The following GRM8 variants were observed in gnomAD, a reference collection of about 807,000 sequenced individuals.
GRM8 encodes the protein metabotropic glutamate receptor 8.
Under a neutral mutation model 87.2 loss-of-function variants are expected in GRM8, and 47 were observed. That is an observed-to-expected ratio of 0.54 (90% CI 0.43 to 0.69). The LOEUF is 0.69. Ranked by LOEUF, GRM8 falls within the 30% of genes least tolerant of loss-of-function variation. The probability of loss-of-function intolerance (pLI) is 0.00; values close to 1 mark genes in which losing one functional copy is unlikely to be tolerated. For synonymous variants in GRM8, 396 were observed against 404.5 expected (o/e 0.98, Z 0.25); for missense variants, 1,019 against 1,139.2 (o/e 0.89, Z 1.52).
At chr7:126,949,061 A>T (rs1807854836) in intron 3 of GRM8, among the ~76,000 whole-genome samples, 1 of 152,256 alleles carries the variant, frequency 6.6e-6, no homozygotes, top group Non-Finnish European at 1.5e-5. Flanking sequence ...TGGAGATAAC[A>T]CTAACACCTA....
At chr7:126,837,662 G>GA (rs948228821) in intron 6 of GRM8, among the ~76,000 whole-genome samples, 3 of 152,210 alleles carry the variant, frequency 2.0e-5, no homozygotes, top group Admixed American at 2.0e-4. Context: ...AGATGAACAT[G>GA]ACTGTGGTCT....
intron 3 of GRM8, among the ~76,000 whole-genome samples, chr7:127,063,185 A>T (rs893774385): frequency 6.6e-5 from 10 of 151,708 alleles, no homozygotes; most frequent in African/African-American, 1.9e-4. Flanking sequence ...CCCAGGAGGC[A>T]GAGCTTGCAG....
intron 7 of GRM8, among the ~76,000 whole-genome samples, chr7:126,714,318 AATAAT>A (rs1450775628): frequency 8.8e-4 from 121 of 138,170 alleles, no homozygotes; most frequent in African/African-American, 2.8e-3. Context: ...TAATAATAAT[AATAAT>A]AAATAGTATC....
At chr7:126,751,884 G>C (rs1287613349) in intron 7 of GRM8, among the ~76,000 whole-genome samples, 3 of 152,118 alleles carry the variant, frequency 2.0e-5, no homozygotes, top group Admixed American at 2.0e-4. Context: ...TAGAAGAAAA[G>C]CTAGGAGGCC....
At chr7:126,959,724 C>T (rs1586599656) in intron 3 of GRM8, among the ~76,000 whole-genome samples, 1 of 152,032 alleles carries the variant, frequency 6.6e-6, no homozygotes, top group Admixed American at 6.5e-5. Context: ...CTTTGCATCC[C>T]CCATGATTCC....
At chr7:127,206,229 G>A (rs758334476) in intron 2 of GRM8, among the ~76,000 whole-genome samples, 4 of 152,210 alleles carry the variant, frequency 2.6e-5, no homozygotes, top group Non-Finnish European at 5.9e-5. Flanking sequence ...TGTGCTTTGC[G>A]ATTCCTTGCC....
chr7:127,138,580 G>A (rs1030008649), intron 2 of GRM8, among the ~76,000 whole-genome samples: 1 of 152,050 alleles, frequency 6.6e-6, no homozygotes, highest in African/African-American at 2.4e-5. Context: ...GAGGTTTAAT[G>A]GGATCACAAC....
At chr7:127,195,221 A>G (rs1795222169) in intron 2 of GRM8, among the ~76,000 whole-genome samples, 1 of 152,148 alleles carries the variant, frequency 6.6e-6, no homozygotes, top group African/African-American at 2.4e-5. Flanking sequence ...ATCCTCTATT[A>G]CTATTTTAAT....
chr7:126,444,080 GA>G (rs1276289288), intron 10 of GRM8, among the ~76,000 whole-genome samples: 67 of 143,348 alleles, frequency 4.7e-4, no homozygotes, highest in African/African-American at 1.4e-3. Flanking sequence ...TGCTAAAAAA[GA>G]AAAAAAAAAG....
chr7:126,890,540 C>T (rs1038309042), intron 6 of GRM8, among the ~76,000 whole-genome samples: 6 of 152,070 alleles, frequency 3.9e-5, no homozygotes, highest in Non-Finnish European at 8.8e-5. Context: ...AGGTCAGCTT[C>T]CCCCTTGTGG....
chr7:126,469,365 T>C (rs752536484), intron 9 of GRM8, among the ~76,000 whole-genome samples: 1 of 152,158 alleles, frequency 6.6e-6, no homozygotes, highest in Non-Finnish European at 1.5e-5. Context: ...CTCACTCTTT[T>C]ATGAAAACTG....
intron 3 of GRM8, among the ~76,000 whole-genome samples, chr7:126,951,338 G>A (rs1163661059): frequency 6.6e-6 from 1 of 152,020 alleles, no homozygotes; most frequent in East Asian, 1.9e-4. Context: ...ATCAAGACAG[G>A]ATGGAGTGAC....
intron 2 of GRM8, among the ~76,000 whole-genome samples, chr7:127,213,006 A>G (rs928932202): frequency 5.3e-5 from 8 of 152,192 alleles, no homozygotes; most frequent in Non-Finnish European, 1.2e-4. Flanking sequence ...ATTGTTCTGA[A>G]CTACTCAACA....
At chr7:127,151,058 C>T (rs1367268993) in intron 2 of GRM8, among the ~76,000 whole-genome samples, 2 of 151,994 alleles carry the variant, frequency 1.3e-5, no homozygotes, top group Non-Finnish European at 1.5e-5. Context: ...ACTTTCCTTC[C>T]TTGGGGAACA....
At chr7:126,649,701 G>T (rs1803578900) in intron 7 of GRM8, among the ~76,000 whole-genome samples, 1 of 152,146 alleles carries the variant, frequency 6.6e-6, no homozygotes, top group South Asian at 2.1e-4. Context: ...AGCGCCTAAT[G>T]GGCCTATTTG....
chr7:126,745,429 C>G (rs975160677), intron 7 of GRM8, among the ~76,000 whole-genome samples: 11 of 75,548 alleles, frequency 1.5e-4, no homozygotes, highest in African/African-American at 3.2e-4. Flanking sequence ...TGTTTCTCTT[C>G]TGTGTGTGTG....
At chr7:126,448,809 C>A (rs997655232) in intron 9 of GRM8, among the ~76,000 whole-genome samples, 6 of 151,922 alleles carry the variant, frequency 3.9e-5, no homozygotes, top group Admixed American at 6.6e-5. Context: ...ACTGCTTGTT[C>A]TCACTTATAA....
intron 6 of GRM8, among the ~76,000 whole-genome samples, chr7:126,788,814 GA>G (rs1024884785): frequency 8.5e-4 from 116 of 137,042 alleles, no homozygotes; most frequent in African/African-American, 2.1e-3. Context: ...CTCAGAGACA[GA>G]AAAAAAAAAA....
At chr7:126,918,175 G>A (rs1196788104) in intron 3 of GRM8, among the ~76,000 whole-genome samples, 4 of 152,234 alleles carry the variant, frequency 2.6e-5, no homozygotes, top group Non-Finnish European at 5.9e-5. Context: ...GTTCTTGCCA[G>A]CGGCCTTGGA....
Sources: allele counts gnomAD v4.1 joint callset (sites outside exome capture counted in the v4.1 genomes callset), GRCh38; gene constraint gnomAD v4.1.1; transcripts MANE v1.5; gene names NCBI Gene and HGNC (gene_info 2026-07-23, HGNC 2026-07-21).